The following LDB2 variants were observed in gnomAD, a reference collection of about 807,000 sequenced individuals.
The protein encoded by LDB2 is LIM domain-binding protein 2.
A neutral mutation model predicts 44.3 loss-of-function variants in LDB2; 12 were observed. The observed-to-expected ratio is 0.27, with a 90% confidence interval of 0.17 to 0.44. The LOEUF is 0.44. Ranked by LOEUF, LDB2 falls within the 20% of genes least tolerant of loss-of-function variation. LDB2 has a pLI of 1.00. For missense variants in LDB2, 344 were observed against 473.5 expected, an observed-to-expected ratio of 0.73 and a Z score of 2.54; for synonymous variants, 164 against 174.8, an observed-to-expected ratio of 0.94 and a Z score of 0.49.
intron 1 of LDB2, among the ~76,000 whole-genome samples, chr4:16,833,090 T>G (rs1784317138): frequency 6.6e-6 from 1 of 152,168 alleles, no homozygotes; most frequent in Non-Finnish European, 1.5e-5. Context: ...AAAACACACT[T>G]TTATCTTAAT....
At chr4:16,609,370 G>C (rs910022226) in intron 2 of LDB2, among the ~76,000 whole-genome samples, 2 of 150,854 alleles carry the variant, frequency 1.3e-5, no homozygotes, top group Non-Finnish European at 3.0e-5. Flanking sequence ...GAGGGGAAGG[G>C]CAACCAGCTG....
intron 5 of LDB2, among the ~76,000 whole-genome samples, chr4:16,548,681 G>A (rs766520085): frequency 2.6e-5 from 4 of 152,146 alleles, no homozygotes; most frequent in Non-Finnish European, 4.4e-5. Context: ...AGGGTAAGCC[G>A]GAAAAAGAAT....
Position 16,701,952 on chromosome 4 carries a change from A to G in LDB2, c.235+57206T>C, listed in dbSNP as rs114188115. Among the ~76,000 whole-genome samples, 571 of 152,292 alleles carry G rather than the reference A, an allele frequency of 3.7e-3. 3 individuals carry two copies. The highest frequency in any genetic ancestry group is 6.7e-3 in the Non-Finnish European group (457 of 68,018). ...CATCACTATTACTATTGTTATTGCTATTACTTTACTGTGGCTACTACTATT... is the reference window on the plus strand; with the variant it reads ...CATCACTATTACTATTGTTATTGCTGTTACTTTACTGTGGCTACTACTATT... On this transcript the variant is annotated intron_variant, in intron 2 of 7. Coordinates refer to ENST00000304523, the MANE Select transcript of LDB2 (RefSeq NM_001290.5).
chr4:16,644,469 C>G (rs1386547912), intron 2 of LDB2, among the ~76,000 whole-genome samples: 1 of 150,468 alleles, frequency 6.6e-6, no homozygotes, highest in Non-Finnish European at 1.5e-5. Context: ...CTCTTATGGC[C>G]TAGGCTGGAG....
chr4:16,888,709 T>TATCGTCGTC (rs1259277430), intron 1 of LDB2: 6 of 984,624 alleles, frequency 6.1e-6, no homozygotes, highest in Middle Eastern at 5.2e-4. Flanking sequence ...AGAATAAGTG[T>TATCGTCGTC]ATCGTCGTCA....
At chr4:16,787,060 C>T (rs904318505) in intron 1 of LDB2, among the ~76,000 whole-genome samples, 6 of 152,164 alleles carry the variant, frequency 3.9e-5, no homozygotes, top group African/African-American at 1.4e-4. Context: ...AAATAAAAAG[C>T]TTCCCTCTAA....
rs1014477146 is a variant in LDB2, at chr4:16,793,239, T to C, written c.133-33979A>G. On this transcript the variant is annotated intron_variant, in intron 1 of 7. Coordinates refer to ENST00000304523, the MANE Select transcript of LDB2 (RefSeq NM_001290.5). ...TCAAGCTTTTGTGCCCTTTTTTTGG[T>C]CCTTATCGTTTAGGAGATTATATGC... is the stretch of plus-strand genomic sequence containing the variant. Among the ~76,000 whole-genome samples the C allele has an allele frequency of 1.3e-5, 2 of 152,270 alleles. 1 individual carries two copies. The highest frequency in any genetic ancestry group is 3.9e-4 in the East Asian group (2 of 5,184).
intron 2 of LDB2, among the ~76,000 whole-genome samples, chr4:16,750,258 C>T (rs535481093): frequency 5.3e-5 from 8 of 152,332 alleles, no homozygotes; most frequent in Non-Finnish European, 1.0e-4. Flanking sequence ...ACTACTCTTA[C>T]AGGGTGGATG....
chr4:16,802,457 G>A (rs914317064), intron 1 of LDB2, among the ~76,000 whole-genome samples: 2 of 152,168 alleles, frequency 1.3e-5, no homozygotes, highest in African/African-American at 4.8e-5. Context: ...GCGCTGGGGT[G>A]TATGTCCCAT....
intron 2 of LDB2, among the ~76,000 whole-genome samples, chr4:16,660,423 T>C (rs764504220): frequency 6.6e-6 from 1 of 152,130 alleles, no homozygotes; most frequent in African/African-American, 2.4e-5. Context: ...TCAGGAGATA[T>C]TGAGAAAATC....
At chr4:16,536,436 G>T (rs1345507586) in intron 5 of LDB2, among the ~76,000 whole-genome samples, 1 of 152,182 alleles carries the variant, frequency 6.6e-6, no homozygotes, top group African/African-American at 2.4e-5. Flanking sequence ...TGTGCTGCTG[G>T]TCAGATGTCC....
At chr4:16,514,324 C>A (rs1722862130) in intron 5 of LDB2, among the ~76,000 whole-genome samples, 1 of 152,190 alleles carries the variant, frequency 6.6e-6, no homozygotes, top group Non-Finnish European at 1.5e-5. Context: ...AGGAATCACA[C>A]TTTTGTATCC....
At chr4:16,711,780 A>C (rs10222866) in intron 2 of LDB2, among the ~76,000 whole-genome samples, 2 of 152,148 alleles carry the variant, frequency 1.3e-5, no homozygotes, top group African/African-American at 4.8e-5. Flanking sequence ...TACAGAAACA[A>C]ACCCTTTCAT....
intron 2 of LDB2, among the ~76,000 whole-genome samples, chr4:16,739,350 G>A (rs922822821): frequency 1.3e-5 from 2 of 151,092 alleles, no homozygotes; most frequent in Admixed American, 6.6e-5. Flanking sequence ...GCTTTGGGAG[G>A]CCGAGGCAGG....
intron 5 of LDB2, among the ~76,000 whole-genome samples, chr4:16,545,028 A>G (rs2152333881): frequency 6.6e-6 from 1 of 152,242 alleles, no homozygotes; most frequent in South Asian, 2.1e-4. Context: ...AGACAGCATG[A>G]TGCCCATACA....
In LDB2 at chr4:16,649,413, T is replaced by TGA. The variant is rs766915381; in HGVS notation, c.236-53540_236-53539dup. Among the ~76,000 whole-genome samples, 15 of 145,912 alleles carry TGA rather than the reference T, an allele frequency of 1.0e-4. No individual in the cohort carries two copies. The East Asian group carries it at 2.1e-3, about 21-fold the overall frequency. Reference sequence around the variant, plus strand: ...TATTGGCATATGAGAGAGAGAGAGATGAGAGAGAGAGAGAGAACTAAAGTG... The same window carrying TGA: ...TATTGGCATATGAGAGAGAGAGAGATGAGAGAGAGAGAGAGAGAACTAAAGTG... On this transcript the variant is annotated intron_variant, in intron 2 of 7. Transcript: ENST00000304523.
At chr4:16,674,152 C>T in intron 2 of LDB2, 1 of 929,982 alleles carries the variant, frequency 1.1e-6, no homozygotes, top group African/African-American at 1.7e-5. Context: ...TTACGCATTT[C>T]CAGAATTCAC....
At chr4:16,555,148 A>G (rs896810369) in intron 5 of LDB2, among the ~76,000 whole-genome samples, 2 of 150,364 alleles carry the variant, frequency 1.3e-5, no homozygotes, top group Non-Finnish European at 1.5e-5. Flanking sequence ...AAAAAAAAAT[A>G]CTGATGTCTG....
chr4:16,554,035 C>A (rs913553824), intron 5 of LDB2, among the ~76,000 whole-genome samples: 6 of 151,612 alleles, frequency 4.0e-5, no homozygotes, highest in Non-Finnish European at 7.4e-5. Flanking sequence ...TGGACGTATT[C>A]ATTCAATGGC....
Sources: gnomAD v4.1 joint callset for allele counts (sites outside exome capture counted in the v4.1 genomes callset) on GRCh38, gnomAD v4.1.1 for gene constraint, MANE v1.5 for transcripts, NCBI Gene and HGNC (gene_info 2026-07-23, HGNC 2026-07-21) for gene names.